The following GUCY1A2 variants were observed in gnomAD, a reference collection of about 807,000 sequenced individuals.
GUCY1A2 encodes guanylate cyclase soluble subunit alpha-2.
In GUCY1A2, 27 loss-of-function variants were observed where a neutral mutation model predicts 63.5. The observed-to-expected ratio is 0.43, with a 90% confidence interval of 0.31 to 0.59. The LOEUF (loss-of-function observed/expected upper bound fraction) is 0.59. Ranked by LOEUF, GUCY1A2 falls within the 20% of genes least tolerant of loss-of-function variation. GUCY1A2 has a pLI of 0.11. For missense variants in GUCY1A2, 768 were observed against 913.3 expected (o/e 0.84, Z 2.05); for synonymous variants, 364 against 343.5 (o/e 1.06, Z -0.66).
At chr11:106,797,936 TAG>T (rs1364502081) in intron 5 of GUCY1A2, among the ~76,000 whole-genome samples, 1 of 151,868 alleles carries the variant, frequency 6.6e-6, no homozygotes, top group Non-Finnish European at 1.5e-5. Context: ...CTGAAGGAGA[TAG>T]AGACACAAAA....
Position 106,810,425 on chromosome 11 carries a change from T to C in GUCY1A2, c.1260A>G (p.Leu420=). 1 of 1,611,062 alleles carries C rather than the reference T, an allele frequency of 6.2e-7. No individual in the cohort carries two copies. Residue 420 remains leucine (L), a synonymous_variant, in exon 5 of 8, where the codon TTA becomes TTG. Coordinates refer to ENST00000526355, the MANE Select transcript of GUCY1A2 (RefSeq NM_000855.3). ...MIHVPESNSI[L]FLGSPCVDKL... ...TGTCCACACATGGAGAGCCCAAAAATAAAATGGAATTTGATTCTGGAACAT... is the reference window on the plus strand; with the variant it reads ...TGTCCACACATGGAGAGCCCAAAAACAAAATGGAATTTGATTCTGGAACAT...
At chr11:106,861,368 T>C (rs1301422790) in intron 4 of GUCY1A2, among the ~76,000 whole-genome samples, 2 of 152,058 alleles carry the variant, frequency 1.3e-5, no homozygotes, top group African/African-American at 4.8e-5. Flanking sequence ...CGTAGTCTGT[T>C]GTGTGTACTC....
intron 6 of GUCY1A2, chr11:106,746,420 C>A (rs1368694014): frequency 3.9e-6 from 2 of 518,872 alleles, no homozygotes; most frequent in Non-Finnish European, 6.9e-6. Flanking sequence ...ACTACCAGTA[C>A]TACTACAAAC....
intron 4 of GUCY1A2, among the ~76,000 whole-genome samples, chr11:106,879,804 T>C (rs1859799294): frequency 6.6e-6 from 1 of 151,970 alleles, no homozygotes; most frequent in South Asian, 2.1e-4. Flanking sequence ...CTCTCCAGAG[T>C]CCCTTCACTG....
At chr11:106,900,968 T>C (rs1860124356) in intron 4 of GUCY1A2, among the ~76,000 whole-genome samples, 1 of 152,206 alleles carries the variant, frequency 6.6e-6, no homozygotes, top group African/African-American at 2.4e-5. Flanking sequence ...TGACAATTTC[T>C]TGAAACAATA....
intron 3 of GUCY1A2, among the ~76,000 whole-genome samples, chr11:106,964,330 T>C (rs1861099306): frequency 6.6e-6 from 1 of 152,246 alleles, no homozygotes; most frequent in Non-Finnish European, 1.5e-5. Flanking sequence ...TTTATTTGTC[T>C]TTCAAACAAT....
intron 5 of GUCY1A2, among the ~76,000 whole-genome samples, chr11:106,778,935 T>TAAAC (rs919451912): frequency 2.9e-4 from 44 of 152,186 alleles, no homozygotes; most frequent in African/African-American, 1.0e-3. Context: ...GCTTCCAGCA[T>TAAAC]AAATATACCA....
chr11:106,958,289 T>C lies in GUCY1A2; in HGVS notation c.488-18111A>G, dbSNP rs143619247. On this transcript the variant is annotated intron_variant, in intron 3 of 7. Transcript: ENST00000526355. ...CTCTCTCAAAACACAGCAGATCTCA[T>C]AGACAGTCATCTTTCCTCTACTTAA... Among the ~76,000 whole-genome samples, 20 of 152,286 alleles carry C rather than the reference T, an allele frequency of 1.3e-4. No homozygotes were observed. The South Asian group carries it at 3.7e-3, about 28-fold the overall frequency.
chr11:106,958,191 A>G (rs776078065), intron 3 of GUCY1A2, among the ~76,000 whole-genome samples: 1 of 152,158 alleles, frequency 6.6e-6, no homozygotes, highest in Non-Finnish European at 1.5e-5. Flanking sequence ...GAATTTGTGA[A>G]TACACCATTT....
chr11:106,868,908 G>T (rs7396632), intron 4 of GUCY1A2, among the ~76,000 whole-genome samples: 14 of 152,174 alleles, frequency 9.2e-5, no homozygotes, highest in Admixed American at 4.6e-4. Flanking sequence ...CCAAAACAGA[G>T]ATATAGACCA....
At chr11:106,930,159 G>A (rs72990371) in intron 4 of GUCY1A2, among the ~76,000 whole-genome samples, 2,483 of 152,270 alleles carry the variant, frequency 0.016, 31 homozygotes, top group Non-Finnish European at 0.024. Flanking sequence ...AAACATATTT[G>A]TGGAAGTCAG....
chr11:106,942,070 A>C lies in GUCY1A2; in HGVS notation c.488-1892T>G, dbSNP rs187472134. Among the ~76,000 whole-genome samples the C allele has an allele frequency of 1.2e-3, 183 of 152,254 alleles. No homozygotes were observed. The Middle Eastern group carries it at 0.031, about 25-fold the overall frequency. On this transcript the variant is annotated intron_variant, in intron 3 of 7. Transcript: ENST00000526355. Reference sequence around the variant, plus strand: ...ATAGTACTTATCTGTCCAGTTCTCTAGTGTAGAAGAGAAAACAAAGACAGA... The same window carrying C: ...ATAGTACTTATCTGTCCAGTTCTCTCGTGTAGAAGAGAAAACAAAGACAGA...
intron 4 of GUCY1A2, among the ~76,000 whole-genome samples, chr11:106,868,789 A>G (rs1229801947): frequency 1.3e-5 from 2 of 152,156 alleles, no homozygotes; most frequent in African/African-American, 2.4e-5. Context: ...AAAAGAGCCC[A>G]CATTGCCAAG....
intron 3 of GUCY1A2, among the ~76,000 whole-genome samples, chr11:106,954,853 G>C (rs992863409): frequency 6.6e-6 from 1 of 151,824 alleles, no homozygotes; most frequent in Non-Finnish European, 1.5e-5. Context: ...CTTTCCATTT[G>C]CTTGGTAAAT....
chr11:106,766,617 A>G (rs936757422), intron 6 of GUCY1A2, among the ~76,000 whole-genome samples: 4 of 152,106 alleles, frequency 2.6e-5, no homozygotes, highest in East Asian at 3.9e-4. Flanking sequence ...GAAACGAGAT[A>G]TGAGATCTCA....
chr11:106,928,654 T>A (rs1220457321), intron 4 of GUCY1A2, among the ~76,000 whole-genome samples: 1 of 152,170 alleles, frequency 6.6e-6, no homozygotes, highest in Non-Finnish European at 1.5e-5. Context: ...CAGGGTATAC[T>A]TACACAAACC....
intron 5 of GUCY1A2, among the ~76,000 whole-genome samples, chr11:106,782,035 G>A (rs937050890): frequency 1.3e-5 from 2 of 152,178 alleles, no homozygotes; most frequent in African/African-American, 2.4e-5. Flanking sequence ...GAAAGAAGTC[G>A]GGGTGAGGGG....
Position 106,679,565 on chromosome 11 carries a change from A to G in GUCY1A2, c.*7984T>C. 1 of 204,256 alleles carries G rather than the reference A, an allele frequency of 4.9e-6. No homozygotes were observed. Among genetic ancestry groups the G allele is most frequent in the Non-Finnish European group, 1.0e-5 (1 of 99,684 alleles). The allele number at this position is 204,256 out of a possible 1,614,324, so 12.7% of individuals were successfully genotyped here. A position where few individuals can be genotyped will look rare whatever the true frequency, so the allele number is the denominator to read the frequency against. ...GAATATGTAATTTATTTAATGTCAGAACAACAACAAATGTTTTTAAATGAT... is the reference window on the plus strand; with the variant it reads ...GAATATGTAATTTATTTAATGTCAGGACAACAACAAATGTTTTTAAATGAT... On this transcript the variant is annotated 3_prime_UTR_variant, in exon 8 of 8. Coordinates refer to ENST00000526355, the MANE Select transcript of GUCY1A2 (RefSeq NM_000855.3).
At chr11:106,749,185 G>C (rs895831735) in intron 6 of GUCY1A2, among the ~76,000 whole-genome samples, 1 of 151,982 alleles carries the variant, frequency 6.6e-6, no homozygotes, top group Non-Finnish European at 1.5e-5. Flanking sequence ...ATTTGCAGCA[G>C]GCTGTACCAT....
Sources: gnomAD v4.1 joint callset for allele counts (sites outside exome capture counted in the v4.1 genomes callset) on GRCh38, gnomAD v4.1.1 for gene constraint, MANE v1.5 for transcripts, NCBI Gene and HGNC (gene_info 2026-07-23, HGNC 2026-07-21) for gene names.